SUGCT: variants seen among roughly 807,000 people sequenced by gnomAD.
SUGCT encodes the protein succinyl-CoA:glutarate CoA-transferase.
Under a neutral mutation model 55.0 loss-of-function variants are expected in SUGCT, and 41 were observed. The observed-to-expected ratio is 0.74, with a 90% CI of 0.58 to 0.97. The LOEUF (loss-of-function observed/expected upper bound fraction) is 0.97. Among genes scored for constraint, SUGCT ranks in the 50% least tolerant of loss-of-function variants. The probability of loss-of-function intolerance (pLI) is 0.00; values close to 1 mark genes in which losing one functional copy is unlikely to be tolerated. For missense variants in SUGCT, 568 were observed against 547.8 expected (o/e 1.04, Z -0.37); for synonymous variants, 187 against 200.4 (o/e 0.93, Z 0.56).
At chr7:41,017,005 G>C in the SUGCT span, among the ~76,000 whole-genome samples, 1 of 152,198 alleles carries the variant, frequency 6.6e-6, no homozygotes, top group African/African-American at 2.4e-5. Flanking sequence ...CATTACGCTT[G>C]AATGTTTGAC....
the SUGCT span, among the ~76,000 whole-genome samples, chr7:40,989,575 T>G: frequency 6.6e-6 from 1 of 150,626 alleles, no homozygotes; most frequent in East Asian, 2.0e-4. Context: ...GAGACCAGCC[T>G]GGCCAATATG....
intron 12 of SUGCT, among the ~76,000 whole-genome samples, chr7:40,623,133 C>A (rs111235307): frequency 2.6e-5 from 4 of 152,306 alleles, no homozygotes; most frequent in African/African-American, 9.6e-5. Flanking sequence ...TGGAACCACT[C>A]CTTGGTGCCA....
At chr7:40,888,378 G>A in the SUGCT span, among the ~76,000 whole-genome samples, 1 of 151,546 alleles carries the variant, frequency 6.6e-6, no homozygotes, top group Admixed American at 6.6e-5. Flanking sequence ...TTGAACCCGG[G>A]AAGCGAAAGT....
the SUGCT span, among the ~76,000 whole-genome samples, chr7:40,954,814 A>G: frequency 6.6e-6 from 1 of 152,108 alleles, no homozygotes; most frequent in South Asian, 2.1e-4. Context: ...TAATTTTTGT[A>G]TAAGGTGTAA....
chr7:40,272,755 G>A (rs530465570), intron 7 of SUGCT, among the ~76,000 whole-genome samples: 1 of 151,518 alleles, frequency 6.6e-6, no homozygotes, highest in Admixed American at 6.6e-5. Flanking sequence ...CGCCTCCCGG[G>A]TTCAAGCAGT....
chr7:40,385,933 T>G (rs1785100746), intron 9 of SUGCT, among the ~76,000 whole-genome samples: 1 of 152,238 alleles, frequency 6.6e-6, no homozygotes, highest in Non-Finnish European at 1.5e-5. Context: ...GGGGGATGGA[T>G]GCATATCCAG....
intron 9 of SUGCT, among the ~76,000 whole-genome samples, chr7:40,405,287 G>A (rs568778179): frequency 8.5e-4 from 129 of 152,304 alleles, no homozygotes; most frequent in Middle Eastern, 3.4e-3. Context: ...CTCTTTTAAA[G>A]TGATGTAGTA....
chr7:40,324,608 C>T (rs1795937781), intron 9 of SUGCT, among the ~76,000 whole-genome samples: 4 of 152,102 alleles, frequency 2.6e-5, no homozygotes, highest in Admixed American at 2.6e-4. Context: ...GATTCCCAAG[C>T]AATGTCTTTT....
intron 6 of SUGCT, among the ~76,000 whole-genome samples, chr7:40,223,409 G>A (rs1005116004): frequency 2.0e-5 from 3 of 152,192 alleles, no homozygotes; most frequent in African/African-American, 7.2e-5. Context: ...TATCCAAGAA[G>A]CCCTGATTCC....
intron 3 of SUGCT, among the ~76,000 whole-genome samples, chr7:40,188,205 G>C (rs193174297): frequency 2.1e-4 from 32 of 152,058 alleles, no homozygotes; most frequent in African/African-American, 7.7e-4. Context: ...AAGCTGAAGC[G>C]GGTGGATCAC....
At chr7:40,623,734 A>G (rs934753223) in intron 12 of SUGCT, among the ~76,000 whole-genome samples, 5 of 152,134 alleles carry the variant, frequency 3.3e-5, no homozygotes, top group Non-Finnish European at 5.9e-5. Flanking sequence ...ATACACACAC[A>G]TACACACACA....
At chr7:40,208,948 T>C (rs1264011568) in intron 6 of SUGCT, among the ~76,000 whole-genome samples, 2 of 152,234 alleles carry the variant, frequency 1.3e-5, no homozygotes, top group African/African-American at 4.8e-5. Context: ...TGTTATTTGC[T>C]TAATAATAAA....
At chr7:40,168,254 T>C (rs1171447154) in intron 1 of SUGCT, among the ~76,000 whole-genome samples, 21 of 152,048 alleles carry the variant, frequency 1.4e-4, no homozygotes, top group Admixed American at 1.4e-3. Flanking sequence ...CCAAGTGCTG[T>C]AGGGGAGGTT....
chr7:41,038,098 G>T, the SUGCT span, among the ~76,000 whole-genome samples: 1 of 152,112 alleles, frequency 6.6e-6, no homozygotes, highest in Non-Finnish European at 1.5e-5. Context: ...GGGGGACAAA[G>T]GAAGGATTGT....
intron 12 of SUGCT, among the ~76,000 whole-genome samples, chr7:40,736,052 T>A (rs1046172328): frequency 3.3e-5 from 5 of 151,674 alleles, no homozygotes; most frequent in African/African-American, 1.2e-4. Context: ...ATTGGATACA[T>A]AGATCTGAAT....
chr7:40,186,087 T>TCCTTCCTTCCTTCCTTCC (rs1329834661), intron 3 of SUGCT, among the ~76,000 whole-genome samples: 2 of 133,872 alleles, frequency 1.5e-5, no homozygotes, highest in South Asian at 2.2e-4. Context: ...CTTTCTCTCT[T>TCCTTCCTTCCTTCCTTCC]TTTCTTCCTT....
chr7:40,617,475 ATGTGTGTGTGTGTGTG>A (rs34487309), intron 12 of SUGCT, among the ~76,000 whole-genome samples: 2 of 143,562 alleles, frequency 1.4e-5, no homozygotes, highest in East Asian at 4.2e-4. Flanking sequence ...TTAGATTTAT[ATGTGTGTGTGTGTGTG>A]TGTGTGTGTG....
chr7:40,272,535 T>C (rs1426312012), intron 7 of SUGCT, among the ~76,000 whole-genome samples: 1 of 151,634 alleles, frequency 6.6e-6, no homozygotes, highest in Non-Finnish European at 1.5e-5. Context: ...ATATTTCCGC[T>C]GTTGTCAATA....
intron 12 of SUGCT, among the ~76,000 whole-genome samples, chr7:40,666,551 G>A (rs1280075358): frequency 1.3e-5 from 2 of 151,340 alleles, no homozygotes; most frequent in African/African-American, 2.4e-5. Flanking sequence ...AGTAGTGGGC[G>A]GATAGTGGGA....
Sources: gnomAD v4.1 joint callset for allele counts (sites outside exome capture counted in the v4.1 genomes callset) on GRCh38, gnomAD v4.1.1 for gene constraint, MANE v1.5 for transcripts, NCBI Gene and HGNC (gene_info 2026-07-23, HGNC 2026-07-21) for gene names.